The following ITPR3 variants were observed in gnomAD, a reference collection of about 807,000 sequenced individuals.
ITPR3 encodes inositol 1,4,5-trisphosphate receptor type 3.
ITPR3 carries 173 observed loss-of-function variants against 293.2 expected under a neutral mutation model. The ratio of observed to expected loss-of-function variants is 0.59; its 90% CI spans 0.52 to 0.67. The LOEUF (loss-of-function observed/expected upper bound fraction) is 0.67. Ranked by LOEUF, ITPR3 falls within the 30% of genes least tolerant of loss-of-function variation. The pLI, the probability that ITPR3 is intolerant of heterozygous loss-of-function variation, is 0.00. For synonymous variants in ITPR3, 1,295 were observed against 1,444.4 expected, an observed-to-expected ratio of 0.90 and a Z score of 2.35; for missense variants, 2,796 against 3,592.1, an observed-to-expected ratio of 0.78 and a Z score of 5.66.
At chr6:33,671,857 C>T (rs910923621) in intron 21 of ITPR3, among the ~76,000 whole-genome samples, 172 bp from the exon 22 acceptor site, 1 of 152,128 alleles carries the variant, frequency 6.6e-6, no homozygotes, top group Admixed American at 6.5e-5. Flanking sequence ...GCTTAAAGCT[C>T]ATGTCCTCCA....
Position 33,687,673 on chromosome 6 carries a change from G to C in ITPR3, c.6264+109G>C, listed in dbSNP as rs1765272111. ...GAGTGAGGCCCTAGAATATGAGCCA[G>C]GCTAGAATTTGGGGGTACAGCTCAG... On this transcript the variant is annotated intron_variant, in intron 46 of 57. Transcript: ENST00000605930. This position sits in a 1 kb window ranked among gnomAD's most constrained non-coding sequence, Gnocchi z 5.3. 1 of 906,246 alleles carries C rather than the reference G, an allele frequency of 1.1e-6. No homozygotes were observed. The highest frequency in any genetic ancestry group is 1.7e-5 in the African/African-American group (1 of 60,500). The allele number at this position is 906,246 out of a possible 1,614,324, so 56.1% of individuals were successfully genotyped here. A position where few individuals can be genotyped will look rare whatever the true frequency, so the allele number is the denominator to read the frequency against.
Position 33,662,930 on chromosome 6 carries a change from G to T in ITPR3, c.878G>T (p.Cys293Phe). The T allele has an allele frequency of 6.2e-7, 1 of 1,601,356 alleles. No individual in the cohort carries two copies. Among genetic ancestry groups the T allele is most frequent in the Non-Finnish European group, 8.5e-7 (1 of 1,173,296 alleles). The change falls in exon 9 of 58, where the codon TGC becomes TTC. Residue 293 changes from cysteine to phenylalanine, a missense_variant. Cys to Phe is a radical substitution (Grantham distance 205). Coordinates refer to ENST00000605930, the MANE Select transcript of ITPR3 (RefSeq NM_002224.4). ...CCCTAGGTGGTCCACCACGACCCCT[G>T]CCGTGGAGGAGCTGGGCACTGGAAT... ...WEVEVVHHDPCRGGAGHWNGL... is the reference protein window; with the variant it reads ...WEVEVVHHDPFRGGAGHWNGL...
intron 7 of ITPR3, among the ~76,000 whole-genome samples, chr6:33,660,202 G>C (rs1263427854): frequency 6.6e-6 from 1 of 152,128 alleles, no homozygotes; most frequent in Admixed American, 6.5e-5. Context: ...ACCAGCAGAC[G>C]GGGTGTAGAC....
chr6:33,627,747 A>C (rs1763581396), intron 1 of ITPR3, among the ~76,000 whole-genome samples: 1 of 152,230 alleles, frequency 6.6e-6, no homozygotes, highest in Non-Finnish European at 1.5e-5. Flanking sequence ...AGGGTCAGAC[A>C]TGATTCATGT....
At position 33,667,439 on chromosome 6, in the gene ITPR3, G is replaced by A; in HGVS notation, c.1713+149G>A. On this transcript the variant is annotated intron_variant, in intron 15 of 57. Coordinates refer to ENST00000605930, the MANE Select transcript of ITPR3 (RefSeq NM_002224.4). This position sits in a 1 kb window ranked among gnomAD's most constrained non-coding sequence, Gnocchi z 4.4. Reference sequence around the variant, plus strand: ...CAGCAGGGCCGGGTTCATGGGAATGGGACCTGGCCCGGTGCTCACAAGGGC... The same window carrying A: ...CAGCAGGGCCGGGTTCATGGGAATGAGACCTGGCCCGGTGCTCACAAGGGC... The A allele has an allele frequency of 9.3e-7, 1 of 1,079,778 alleles. No homozygotes were observed. Among genetic ancestry groups the A allele is most frequent in the South Asian group, 1.6e-5 (1 of 60,696 alleles). The allele number at this position is 1,079,778 out of a possible 1,614,324, so 66.9% of individuals were successfully genotyped here. A position where few individuals can be genotyped will look rare whatever the true frequency, so the allele number is the denominator to read the frequency against.
rs924950018 is a variant in ITPR3 at position 33,667,526 on chromosome 6, G to T, written c.1713+236G>T. 1.4e-4 allele frequency among the ~76,000 whole-genome samples: 21 copies of T among 152,186 alleles called. No homozygotes were observed. Among genetic ancestry groups the T allele is most frequent in the Admixed American group, 2.6e-4 (4 of 15,286 alleles). On this transcript the variant is annotated intron_variant, in intron 15 of 57. Transcript: ENST00000605930. The surrounding 1 kb of genome is among the most constrained non-coding windows in gnomAD (Gnocchi z 4.4). ...GTCCTGCTCTTTCATTCTGCACTGG[G>T]CCCTACAAGTTATGTAGCCAATCCT...
chr6:33,685,340 G>A lies in ITPR3; in HGVS notation c.5308-19G>A, dbSNP rs765652079. 2.4e-5 allele frequency: 38 copies of A among 1,601,966 alleles called. No individual in the cohort carries two copies. Among genetic ancestry groups the A allele is most frequent in the Middle Eastern group, 3.3e-4 (2 of 6,026 alleles). On this transcript the variant is annotated intron_variant, in intron 39 of 57. Transcript: ENST00000605930. ...GGGCCCAGTGCTGAGGTTGTTCCCT[G>A]GCCACTGTCCACCTCCAGAAATCCT...
rs139811108 is a variant in ITPR3, at chr6:33,637,564, G to A, written c.90-2920G>A. Among the ~76,000 whole-genome samples the A allele has an allele frequency of 8.5e-3, 1,287 of 152,202 alleles. 52 individuals are homozygous for A. In the South Asian group the frequency reaches 0.11, roughly 13 times the overall value. On this transcript the variant is annotated intron_variant, in intron 1 of 57. Coordinates refer to ENST00000605930, the MANE Select transcript of ITPR3 (RefSeq NM_002224.4). Reference sequence around the variant, plus strand: ...GCACACTGCAACCTCTGCCTCTAGGGTTCAAGCGATTCTCCTGCCTCAGCC... The same window carrying A: ...GCACACTGCAACCTCTGCCTCTAGGATTCAAGCGATTCTCCTGCCTCAGCC...
chr6:33,643,931 G>A (rs966914560), intron 2 of ITPR3, among the ~76,000 whole-genome samples: 21 of 152,206 alleles, frequency 1.4e-4, no homozygotes, highest in African/African-American at 4.1e-4. Context: ...GGTGGCTCAC[G>A]CCTGTAACTG....
At chr6:33,673,850 C>T in intron 23 of ITPR3, 130 bp downstream of exon 23, 1 of 1,064,876 alleles carries the variant, frequency 9.4e-7, no homozygotes, top group Non-Finnish European at 1.3e-6. Context: ...TCCACTGTCT[C>T]ATTTAATTGC....
At position 33,655,370 on chromosome 6, in the gene ITPR3, G is replaced by T. The variant is rs930800669; in HGVS notation, c.161-396G>T. Among the ~76,000 whole-genome samples the T allele has an allele frequency of 6.6e-5, 10 of 152,186 alleles. No homozygotes were observed. The highest frequency in any genetic ancestry group is 1.9e-4 in the African/African-American group (8 of 41,452). On this transcript the variant is annotated intron_variant, in intron 2 of 57. Transcript: ENST00000605930. The surrounding 1 kb of genome is among the most constrained non-coding windows in gnomAD (Gnocchi z 4.9). ...TATGTCATTTCCCAGGCATCTGTGT[G>T]CAAGATGGTTTCCATCAGCCAAGGC...
At position 33,691,159 on chromosome 6, in the gene ITPR3, C is replaced by T; in HGVS notation, c.7225+50C>T. On this transcript the variant is annotated intron_variant, in intron 52 of 57. Transcript: ENST00000605930. This position sits in a 1 kb window ranked among gnomAD's most constrained non-coding sequence, Gnocchi z 4.9. ...CAGGTTGTGGGGAATGAGGTTGGGT[C>T]TCACAAATGTCTGGCGTCAGGACCA... 6.3e-7 allele frequency: 1 copy of T among 1,577,752 alleles called. No individual in the cohort carries two copies. Among genetic ancestry groups the T allele is most frequent in the African/African-American group, 1.3e-5 (1 of 74,080 alleles).
At position 33,690,974 on chromosome 6, in the gene ITPR3, C is replaced by T. The variant is rs1195624684; in HGVS notation, c.7090C>T (p.Arg2364Cys). The T allele has an allele frequency of 6.2e-7, 1 of 1,614,180 alleles. No homozygotes were observed. Among genetic ancestry groups the T allele is most frequent in the East Asian group, 2.2e-5 (1 of 44,886 alleles). ...GTTCAACGTCATCAAGAGTGTGACCCGCAATGGCCGCTCCATCCTGCTGAC... is the reference window on the plus strand; with the variant it reads ...GTTCAACGTCATCAAGAGTGTGACCTGCAATGGCCGCTCCATCCTGCTGAC... ...TLFNVIKSVT[R>C]NGRSILLTAL... Residue 2364 changes from arginine (R) to cysteine (C), a missense_variant, in exon 52 of 58, where the codon CGC (arginine) becomes TGC (cysteine). Around this residue, in one of 8 missense-constraint regions of ITPR3, gnomAD observed 568 missense variants for 796.1 expected, o/e 0.71. Transcript: ENST00000605930.
At chr6:33,627,828 C>T (rs759180490) in intron 1 of ITPR3, among the ~76,000 whole-genome samples, 8 of 152,208 alleles carry the variant, frequency 5.3e-5, no homozygotes, top group Non-Finnish European at 1.0e-4. Context: ...GTACTAGGCA[C>T]TTCCCAGGCA....
chr6:33,637,806 T>C (rs1763859831), intron 1 of ITPR3, among the ~76,000 whole-genome samples: 2 of 146,772 alleles, frequency 1.4e-5, no homozygotes, highest in African/African-American at 2.5e-5. Context: ...TAATTTTTTC[T>C]TTCTTTCTTT....
intron 49 of ITPR3, 109 bp from the exon 50 acceptor site, chr6:33,689,129 T>C: frequency 1.5e-6 from 2 of 1,315,322 alleles, no homozygotes; most frequent in Admixed American, 1.9e-5. Context: ...CACCAGGAAC[T>C]TAACCGGGAA....
Position 33,672,307 on chromosome 6 carries a change from G to A in ITPR3, c.2928+79G>A, listed in dbSNP as rs1350271468. ...GGCGGGTACAGGGAGGCTGGGCAGGGCGAACCCCTTCAGATCTCAGTATTT... is the reference window on the plus strand; with the variant it reads ...GGCGGGTACAGGGAGGCTGGGCAGGACGAACCCCTTCAGATCTCAGTATTT... On this transcript the variant is annotated intron_variant, in intron 22 of 57. Coordinates refer to ENST00000605930, the MANE Select transcript of ITPR3 (RefSeq NM_002224.4). The surrounding 1 kb of genome is among the most constrained non-coding windows in gnomAD (Gnocchi z 5.0). 2.3e-6 allele frequency: 3 copies of A among 1,289,338 alleles called. No individual in the cohort carries two copies. The highest frequency in any genetic ancestry group is 3.3e-6 in the Non-Finnish European group (3 of 906,362). The allele number at this position is 1,289,338 out of a possible 1,614,324, so 79.9% of individuals were successfully genotyped here.
rs908154942 is a variant in ITPR3 at position 33,680,511 on chromosome 6, G to A, written c.4351-44G>A. On this transcript the variant is annotated intron_variant, in intron 32 of 57. Coordinates refer to ENST00000605930, the MANE Select transcript of ITPR3 (RefSeq NM_002224.4). ...CCCCAGGAGGTGTGGGAGTGGAGGG[G>A]CCCCATGTGAGGAGCCCCCAGCCAT... 36 of 1,610,392 alleles carry A rather than the reference G, an allele frequency of 2.2e-5. No homozygotes were observed. The Admixed American group carries it at 5.7e-4, about 25-fold the overall frequency.
At position 33,691,221 on chromosome 6, in the gene ITPR3, C is replaced by T. The variant is rs370324849; in HGVS notation, c.7225+112C>T. 1.4e-4 allele frequency: 144 copies of T among 1,039,778 alleles called. No individual in the cohort carries two copies. In the African/African-American group the frequency reaches 1.9e-3, roughly 14 times the overall value. 64.4% of individuals were successfully genotyped at this position (1,039,778 alleles called of 1,614,324 possible). A position where few individuals can be genotyped will look rare whatever the true frequency, so the allele number is the denominator to read the frequency against. On this transcript the variant is annotated intron_variant, in intron 52 of 57. Coordinates refer to ENST00000605930, the MANE Select transcript of ITPR3 (RefSeq NM_002224.4). This position sits in a 1 kb window ranked among gnomAD's most constrained non-coding sequence, Gnocchi z 4.9. ...GCTTACCTCACCAGGCTCCCGTCTG[C>T]TTCTCCTCTTGGCTTCTGGGGACGT...
Sources: allele counts gnomAD v4.1 joint callset (sites outside exome capture counted in the v4.1 genomes callset), GRCh38; gene constraint gnomAD v4.1.1; regional missense constraint gnomAD v4.1.1; non-coding constraint Gnocchi (gnomAD v3.1); transcripts MANE v1.5; gene names NCBI Gene and HGNC (gene_info 2026-07-23, HGNC 2026-07-21).